Variants in CAPN14 observed in about 807,000 individuals in gnomAD.
CAPN14 encodes calpain-14.
CAPN14 carries 94 observed loss-of-function variants against 101.3 expected under a neutral mutation model. That is an observed-to-expected ratio of 0.93 (90% CI 0.79 to 1.10). The LOEUF is 1.10. Among genes scored for constraint, CAPN14 ranks in the 50% least tolerant of loss-of-function variants. CAPN14 has a pLI of 0.00. For synonymous variants in CAPN14, 338 were observed against 317.9 expected, an observed-to-expected ratio of 1.06 and a Z score of -0.67; for missense variants, 837 against 828.4, an observed-to-expected ratio of 1.01 and a Z score of -0.13.
intron 21 of CAPN14, among the ~76,000 whole-genome samples, chr2:31,175,143 C>T (rs1379798938): frequency 6.6e-6 from 1 of 152,138 alleles, no homozygotes; most frequent in African/African-American, 2.4e-5. Context: ...GAAACCACTC[C>T]CCAGGCCAAT....
At chr2:31,188,267 C>A in intron 14 of CAPN14, 51 bp downstream of exon 14, 1 of 1,505,108 alleles carries the variant, frequency 6.6e-7, no homozygotes. Context: ...AACCCAACAC[C>A]CTGGCTTGGA....
chr2:31,216,645 T>A (rs1185517864), intron 1 of CAPN14, among the ~76,000 whole-genome samples: 1 of 152,086 alleles, frequency 6.6e-6, no homozygotes, highest in Non-Finnish European at 1.5e-5. Context: ...CTGGAAGATG[T>A]ACCCAGGCTG....
intron 16 of CAPN14, among the ~76,000 whole-genome samples, chr2:31,182,648 A>G (rs952952312): frequency 7.2e-6 from 1 of 138,976 alleles, no homozygotes; most frequent in Non-Finnish European, 1.5e-5. Context: ...GGACCTCTTC[A>G]AGGAGAACTA....
At chr2:31,227,590 A>C (rs977470385) in intron 1 of CAPN14, among the ~76,000 whole-genome samples, 4 of 152,096 alleles carry the variant, frequency 2.6e-5, no homozygotes, top group Non-Finnish European at 5.9e-5. Context: ...ACATTGTTTC[A>C]TTTTATCCCC....
chr2:31,187,568 A>G (rs1309446194), intron 15 of CAPN14, among the ~76,000 whole-genome samples, 190 bp downstream of exon 15: 1 of 152,252 alleles, frequency 6.6e-6, no homozygotes, highest in East Asian at 1.9e-4. Context: ...GGAGCCTTCT[A>G]GACAATGGCT....
At chr2:31,174,751 G>A (rs1194291978) in intron 21 of CAPN14, 44 bp from the exon 22 acceptor site, 50 of 1,547,176 alleles carry the variant, frequency 3.2e-5, no homozygotes, top group African/African-American at 6.9e-5. Context: ...TCAGACCCAC[G>A]TCTCATCTGG....
chr2:31,218,989 T>A (rs72859378), upstream of CAPN14, among the ~76,000 whole-genome samples: 1 of 151,920 alleles, frequency 6.6e-6, no homozygotes, highest in Non-Finnish European at 1.5e-5. Flanking sequence ...CTCCCAGACA[T>A]AACCTTTTCA....
chr2:31,226,024 T>A (rs1683011757), intron 2 of CAPN14, among the ~76,000 whole-genome samples: 1 of 152,212 alleles, frequency 6.6e-6, no homozygotes, highest in African/African-American at 2.4e-5. Context: ...TTAAATGGCA[T>A]AATACTAATT....
intron 5 of CAPN14, among the ~76,000 whole-genome samples, chr2:31,200,864 C>T (rs1681724355): frequency 6.6e-6 from 1 of 152,168 alleles, no homozygotes; most frequent in African/African-American, 2.4e-5. Context: ...CTCTTTCCCA[C>T]CACTTCCTTT....
chr2:31,220,466 T>C (rs1422027642), upstream of CAPN14, among the ~76,000 whole-genome samples: 1 of 152,234 alleles, frequency 6.6e-6, no homozygotes, highest in Non-Finnish European at 1.5e-5. Flanking sequence ...CCAGGGTTAC[T>C]TCTGGCAGCC....
intron 16 of CAPN14, among the ~76,000 whole-genome samples, chr2:31,181,470 T>C (rs1680619847): frequency 8.0e-6 from 1 of 125,482 alleles, no homozygotes; most frequent in Non-Finnish European, 1.6e-5. Context: ...CTCTTTTTCT[T>C]TCTTTTCTTT....
In CAPN14 at chr2:31,202,160, T is replaced by C; in HGVS notation, c.388A>G (p.Lys130Glu). The C allele has an allele frequency of 6.4e-7, 1 of 1,551,852 alleles. No individual in the cohort carries two copies. Among genetic ancestry groups the C allele is most frequent in the Admixed American group, 2.0e-5 (1 of 51,000 alleles). ...CAGAACCGGAAGATGCCAGCATACT[T>C]CTCAGTGAAACTCTGATTCAGGGGA... ...VVPLNQSFTE[K>E]YAGIFRFWFW... The change falls in exon 4 of 22, where the codon AAG (lysine) becomes GAG (glutamate). Residue 130 changes from lysine (K) to glutamate (E), a missense_variant. Physicochemically the swap from Lys to Glu is moderately conservative, Grantham distance 56. Transcript: ENST00000403897.
intron 1 of CAPN14, among the ~76,000 whole-genome samples, chr2:31,215,333 GT>G (rs1682594165): frequency 6.6e-6 from 1 of 151,916 alleles, no homozygotes; most frequent in South Asian, 2.1e-4. Context: ...TAGATGAGCG[GT>G]CAGACTGAGG....
chr2:31,220,317 C>T (rs1682824028), upstream of CAPN14, among the ~76,000 whole-genome samples: 1 of 152,166 alleles, frequency 6.6e-6, no homozygotes, highest in Admixed American at 6.5e-5. Context: ...CGTTAAGGAA[C>T]AAGTAAAACT....
rs143870740 is a variant in CAPN14, at chr2:31,200,622, G to A, written c.555C>T (p.Leu185=). Residue 185 remains leucine, a synonymous_variant, in exon 6 of 22, where the codon CTC becomes CTT. Transcript: ENST00000403897. ...ACTGCAAGTCTTCATAGGAACCAGA[G>A]AGCCTGGCCAGGGAAGAAATAAACA... ...GALLEKAYAK[L]SGSYEDLQSG... 5.7e-4 allele frequency: 872 copies of A among 1,543,220 alleles called. 4 individuals are homozygous for A. In the African/African-American group the frequency reaches 9.5e-3, roughly 17 times the overall value.
At chr2:31,190,703 A>G (rs12468547) in intron 12 of CAPN14, among the ~76,000 whole-genome samples, 43,334 of 152,170 alleles carry the variant, frequency 0.28, 7,692 homozygotes, top group African/African-American at 0.49. Context: ...AGTGTTCAGT[A>G]TTCCTGTGAG....
At chr2:31,194,320 C>G in intron 9 of CAPN14, 89 bp downstream of exon 9, 2 of 939,972 alleles carry the variant, frequency 2.1e-6, no homozygotes, top group Admixed American at 4.0e-5. Flanking sequence ...CATGAAGTTC[C>G]TGGCACCCAT....
chr2:31,223,995 C>T lies in CAPN14; in HGVS notation c.-53+2533G>A, dbSNP rs144919747. On this transcript the variant is annotated intron_variant and NMD_transcript_variant, in intron 2 of 21. Coordinates refer to the CAPN14 transcript ENST00000398824. ...ATGTTTGTTTTCATACAGCCTGAAT[C>T]CCATCGTCATTTTTCGCAACTACAT... Among the ~76,000 whole-genome samples the T allele has an allele frequency of 4.2e-3, 643 of 152,290 alleles. 6 individuals are homozygous for T. Among genetic ancestry groups the T allele is most frequent in the African/African-American group, 0.015 (619 of 41,562 alleles).
At chr2:31,222,856 A>AGAT (rs1201466035) in intron 2 of CAPN14, among the ~76,000 whole-genome samples, 1 of 152,198 alleles carries the variant, frequency 6.6e-6, no homozygotes, top group African/African-American at 2.4e-5. Context: ...TCACATTCGG[A>AGAT]GATGGAGCCT....
Sources: allele counts gnomAD v4.1 joint callset (sites outside exome capture counted in the v4.1 genomes callset), GRCh38; gene constraint gnomAD v4.1.1; transcripts MANE v1.5; gene names NCBI Gene and HGNC (gene_info 2026-07-23, HGNC 2026-07-21).